ANKRD30BL: variants seen among roughly 807,000 people sequenced by gnomAD.
The protein encoded by ANKRD30BL is putative ankyrin repeat domain-containing protein 30B-like.
In ANKRD30BL, 20 loss-of-function variants were observed where a neutral mutation model predicts 18.4. The observed-to-expected ratio is 1.09, with a 90% confidence interval of 0.77 to 1.58. The LOEUF is 1.58. Among genes scored for constraint, ANKRD30BL ranks in the 40% most tolerant of loss-of-function variants. The pLI is 0.00. For synonymous variants in ANKRD30BL, 72 were observed against 100.9 expected, an observed-to-expected ratio of 0.71 and a Z score of 1.72; for missense variants, 224 against 268.6, an observed-to-expected ratio of 0.83 and a Z score of 1.16.
intron 1 of ANKRD30BL, among the ~76,000 whole-genome samples, chr2:132,233,046 A>C (rs1026940801): frequency 4.6e-5 from 7 of 152,140 alleles, no homozygotes; most frequent in Non-Finnish European, 7.3e-5. Flanking sequence ...TTCTTAAAGA[A>C]AAGAATTTTC....
chr2:132,166,899 C>T (rs1331815900), upstream of ANKRD30BL, among the ~76,000 whole-genome samples: 1 of 151,834 alleles, frequency 6.6e-6, no homozygotes, highest in Non-Finnish European at 1.5e-5. Flanking sequence ...TTGATTTTAT[C>T]TCTTTTTTCA....
chr2:132,175,873 C>A (rs1212090679), intron 1 of ANKRD30BL, among the ~76,000 whole-genome samples: 4 of 152,124 alleles, frequency 2.6e-5, no homozygotes, highest in African/African-American at 9.7e-5. Flanking sequence ...TTTTTGTGAT[C>A]TCAAGGTGGG....
chr2:132,214,647 G>A (rs1421348974), intron 1 of ANKRD30BL, among the ~76,000 whole-genome samples: 1 of 151,808 alleles, frequency 6.6e-6, no homozygotes, highest in Admixed American at 6.6e-5. Flanking sequence ...GTGCTTTGAG[G>A]CATATGGTGG....
chr2:132,236,408 G>T (rs1417755374), intron 1 of ANKRD30BL, among the ~76,000 whole-genome samples: 1 of 151,932 alleles, frequency 6.6e-6, no homozygotes, highest in Non-Finnish European at 1.5e-5. Context: ...AATCTACAAT[G>T]AACTCAAACA....
chr2:132,230,671 T>A (rs1261140841), intron 1 of ANKRD30BL, among the ~76,000 whole-genome samples: 1 of 152,208 alleles, frequency 6.6e-6, no homozygotes, highest in Non-Finnish European at 1.5e-5. Context: ...ACAGAAGCAT[T>A]CTCACAAACT....
chr2:132,187,176 T>C (rs1455258207), intron 1 of ANKRD30BL, among the ~76,000 whole-genome samples: 2 of 144,474 alleles, frequency 1.4e-5, no homozygotes, highest in Non-Finnish European at 3.0e-5. Context: ...TTTTTTGTTT[T>C]TTTTTTTGTT....
chr2:132,171,520 T>C (rs1208130795), intron 1 of ANKRD30BL, among the ~76,000 whole-genome samples: 1 of 152,190 alleles, frequency 6.6e-6, no homozygotes, highest in Non-Finnish European at 1.5e-5. Flanking sequence ...TCACAACTGA[T>C]AGGAGTTCAT....
At chr2:132,200,570 A>G (rs140759251) in intron 1 of ANKRD30BL, among the ~76,000 whole-genome samples, 1,631 of 152,342 alleles carry the variant, frequency 0.011, 9 homozygotes, top group Non-Finnish European at 0.015. Flanking sequence ...TAAAATACCT[A>G]GGAATCGGAC....
At chr2:132,247,093 A>G (rs796331790) in intron 1 of ANKRD30BL, among the ~76,000 whole-genome samples, 18 of 77,022 alleles carry the variant, frequency 2.3e-4, no homozygotes, top group Non-Finnish European at 4.6e-4. Context: ...CTTTTTGTAG[A>G]ATCTGCAAGT....
intron 4 of ANKRD30BL, 44 bp from the exon 5 acceptor site, chr2:132,151,020 G>A: frequency 1.9e-6 from 1 of 539,402 alleles, no homozygotes; most frequent in Non-Finnish European, 3.3e-6. Context: ...TTTTAACATT[G>A]ATATAAAAAA....
intron 1 of ANKRD30BL, among the ~76,000 whole-genome samples, chr2:132,212,856 T>C (rs1224421835): frequency 2.0e-5 from 3 of 152,012 alleles, no homozygotes; most frequent in African/African-American, 7.2e-5. Flanking sequence ...CTTTGTGATG[T>C]GTGAATTCAT....
chr2:132,192,398 C>T (rs925151647), intron 1 of ANKRD30BL, among the ~76,000 whole-genome samples: 1 of 152,128 alleles, frequency 6.6e-6, no homozygotes, highest in Non-Finnish European at 1.5e-5. Context: ...AATTACAACA[C>T]CAGCTCCTGG....
intron 1 of ANKRD30BL, among the ~76,000 whole-genome samples, chr2:132,231,879 G>T (rs1680028392): frequency 6.6e-6 from 1 of 152,132 alleles, no homozygotes; most frequent in African/African-American, 2.4e-5. Flanking sequence ...CTCCACCTCT[G>T]GGGGAAGGGC....
rs528637340 is a variant in ANKRD30BL, at chr2:132,175,477, A to C, written n.442-18331T>G. Among the ~76,000 whole-genome samples, 616 of 152,350 alleles carry C rather than the reference A, an allele frequency of 4.0e-3. 7 individuals are homozygous for C. Among genetic ancestry groups the C allele is most frequent in the Non-Finnish European group, 1.4e-3 (94 of 68,036 alleles). On this transcript the variant is annotated intron_variant and non_coding_transcript_variant, in intron 1 of 4. Transcript: ENST00000470729. ...CCTATCTCAGAATTGAACAAATGTA[A>C]AATCGGGTATTATACTGAGACATTC...
intron 1 of ANKRD30BL, among the ~76,000 whole-genome samples, chr2:132,182,874 A>C (rs535515616): frequency 6.6e-6 from 1 of 152,130 alleles, no homozygotes; most frequent in South Asian, 2.1e-4. Flanking sequence ...ATGACATAGA[A>C]CCCCGACAGA....
chr2:132,225,698 C>T (rs561431921), intron 1 of ANKRD30BL, among the ~76,000 whole-genome samples: 2 of 152,018 alleles, frequency 1.3e-5, no homozygotes, highest in African/African-American at 4.8e-5. Flanking sequence ...TTTTCCGAAA[C>T]TTCTTTGGCT....
At chr2:132,232,520 G>A (rs543860697) in intron 1 of ANKRD30BL, among the ~76,000 whole-genome samples, 7 of 152,098 alleles carry the variant, frequency 4.6e-5, no homozygotes, top group South Asian at 4.1e-4. Context: ...ACCAAGGCTC[G>A]AGAACTACGT....
intron 1 of ANKRD30BL, among the ~76,000 whole-genome samples, chr2:132,243,022 C>A (rs566204397): frequency 1.3e-5 from 2 of 150,920 alleles, no homozygotes; most frequent in South Asian, 4.2e-4. Flanking sequence ...ATTAGGACAG[C>A]TTTGAGGATT....
chr2:132,217,750 A>T (rs1257706797), intron 1 of ANKRD30BL, among the ~76,000 whole-genome samples: 2 of 152,262 alleles, frequency 1.3e-5, no homozygotes, highest in African/African-American at 4.8e-5. Flanking sequence ...AACCAGTTTG[A>T]GGTCTTCATT....
Sources: allele counts gnomAD v4.1 joint callset (sites outside exome capture counted in the v4.1 genomes callset), GRCh38; gene constraint gnomAD v4.1.1; transcripts MANE v1.5; gene names NCBI Gene and HGNC (gene_info 2026-07-23, HGNC 2026-07-21).